MPHOSPH9: variants seen among roughly 807,000 people sequenced by gnomAD.
The protein encoded by MPHOSPH9 is M-phase phosphoprotein 9.
A neutral mutation model predicts 145.5 loss-of-function variants in MPHOSPH9; 88 were observed. The observed-to-expected ratio is 0.60, with a 90% CI of 0.51 to 0.72. The LOEUF (loss-of-function observed/expected upper bound fraction) is 0.72, where lower values mean the gene tolerates loss of function less well. Among genes scored for constraint, MPHOSPH9 ranks in the 30% least tolerant of loss-of-function variants. MPHOSPH9 has a pLI of 0.00. For missense variants in MPHOSPH9, 1,238 were observed against 1,386.6 expected, an observed-to-expected ratio of 0.89 and a Z score of 1.70; for synonymous variants, 435 against 486.2, an observed-to-expected ratio of 0.89 and a Z score of 1.39.
chr12:123,211,520 T>A (rs1406689191), intron 7 of MPHOSPH9, among the ~76,000 whole-genome samples: 1 of 151,486 alleles, frequency 6.6e-6, no homozygotes, highest in Non-Finnish European at 1.5e-5. Context: ...GCCCTGCTAA[T>A]TTTTTTGGTA....
chr12:123,207,921 T>C (rs767453448), intron 8 of MPHOSPH9, among the ~76,000 whole-genome samples: 4 of 150,072 alleles, frequency 2.7e-5, no homozygotes, highest in African/African-American at 7.4e-5. Context: ...ATTTACTGAA[T>C]AGTTTTATTT....
intron 6 of MPHOSPH9, among the ~76,000 whole-genome samples, chr12:123,216,278 T>C (rs1186204222): frequency 6.6e-6 from 1 of 152,172 alleles, no homozygotes; most frequent in African/African-American, 2.4e-5. Context: ...TCTGAAAAAG[T>C]ACAAAGAATG....
chr12:123,225,179 C>T (rs1489777763), intron 3 of MPHOSPH9, among the ~76,000 whole-genome samples: 1 of 151,210 alleles, frequency 6.6e-6, no homozygotes, highest in Non-Finnish European at 1.5e-5. Context: ...CACAGCGGCT[C>T]ATGCCTGTAA....
At chr12:123,216,192 G>A (rs886815481) in intron 6 of MPHOSPH9, among the ~76,000 whole-genome samples, 1 of 152,080 alleles carries the variant, frequency 6.6e-6, no homozygotes, top group Non-Finnish European at 1.5e-5. Flanking sequence ...AGTACTAAAG[G>A]GCTTTCCTAG....
chr12:123,203,562 G>A (rs1036737778), intron 8 of MPHOSPH9, among the ~76,000 whole-genome samples, 187 bp from the exon 9 acceptor site: 2 of 152,180 alleles, frequency 1.3e-5, no homozygotes, highest in African/African-American at 4.8e-5. Flanking sequence ...ATGGAAAGAT[G>A]TTTGGATCTC....
chr12:123,199,451 G>A (rs953676213), intron 11 of MPHOSPH9, among the ~76,000 whole-genome samples: 6 of 152,046 alleles, frequency 3.9e-5, no homozygotes, highest in African/African-American at 1.2e-4. Context: ...CTTTAAGCAC[G>A]TTTCGTTTAT....
At chr12:123,160,939 CT>C in intron 22 of MPHOSPH9, 90 bp from the exon 23 acceptor site, 1 of 1,431,536 alleles carries the variant, frequency 7.0e-7, no homozygotes, top group Non-Finnish European at 9.6e-7. Context: ...TTAGTATTTC[CT>C]TGTCCATTTC....
chr12:123,233,218 G>C (rs2047751377), upstream of MPHOSPH9: 1 of 152,270 alleles, frequency 6.6e-6, no homozygotes, highest in African/African-American at 2.4e-5. Flanking sequence ...TGGCGCGCGC[G>C]TCCACCTCGC....
At position 123,155,198 on chromosome 12, in the gene MPHOSPH9, C is replaced by T. The variant is rs1273371893; in HGVS notation, c.*1609G>A. On this transcript the variant is annotated 3_prime_UTR_variant, in exon 24 of 24. Transcript: ENST00000606320. Reference sequence around the variant, plus strand: ...AGCCTGGGCAACAAGGGCAAAACTCCATCTAAAAAAATAAATAAATAAAAT... The same window carrying T: ...AGCCTGGGCAACAAGGGCAAAACTCTATCTAAAAAAATAAATAAATAAAAT... 2 of 140,496 alleles carry T rather than the reference C, an allele frequency of 1.4e-5. No homozygotes were observed. The allele number at this position is 140,496 out of a possible 1,614,324, so 8.7% of individuals were successfully genotyped here. A position where few individuals can be genotyped will look rare whatever the true frequency, so the allele number is the denominator to read the frequency against.
At chr12:123,186,593 TCTAGATCTTCATCTTCAGCTAGGAC>T (rs986609609) in intron 13 of MPHOSPH9, among the ~76,000 whole-genome samples, 15 of 152,240 alleles carry the variant, frequency 9.9e-5, no homozygotes, top group African/African-American at 3.6e-4. Context: ...ACAGTTAGGA[TCTAGATCTTCATCTTCAGCTAGGAC>T]CTAGATCTTC....
intron 8 of MPHOSPH9, among the ~76,000 whole-genome samples, chr12:123,206,064 T>C (rs1399444403): frequency 2.6e-5 from 4 of 152,086 alleles, no homozygotes; most frequent in Non-Finnish European, 5.9e-5. Context: ...AAGGCCTTTC[T>C]ATTCTTTTTA....
chr12:123,198,475 G>A (rs11057188), intron 11 of MPHOSPH9, 141 bp from the exon 12 acceptor site: 1 of 692,852 alleles, frequency 1.4e-6, no homozygotes, highest in Non-Finnish European at 2.4e-6. Context: ...CATTTTAATA[G>A]AATATAGCCC....
chr12:123,219,125 G>A (rs922267919), intron 5 of MPHOSPH9, among the ~76,000 whole-genome samples: 5 of 151,458 alleles, frequency 3.3e-5, no homozygotes, highest in South Asian at 2.1e-4. Context: ...GGCTGATCTC[G>A]AACTCCTGGG....
rs1487643412 is a variant in MPHOSPH9 at position 123,202,827 on chromosome 12, G to T, written c.1578C>A (p.Phe526Leu). 1 of 1,614,172 alleles carries T rather than the reference G, an allele frequency of 6.2e-7. No homozygotes were observed. Among genetic ancestry groups the T allele is most frequent in the Admixed American group, 1.7e-5 (1 of 60,002 alleles). ...TGGAACTGGTCCTACTTTCGTTTTG[G>T]AATGTCTGATTTTTCCAAGAGTCCA... Reference protein sequence around the residue: ...SPVDSWKNQTFQNESRTSSTF... With the variant: ...SPVDSWKNQTLQNESRTSSTF... Residue 526 changes from phenylalanine to leucine, a missense_variant, in exon 10 of 24, where the codon TTC becomes TTA. Around this residue, in one of 3 missense-constraint regions of MPHOSPH9, gnomAD observed 837 missense variants for 897.5 expected, o/e 0.93. Transcript: ENST00000606320.
chr12:123,222,405 C>T (rs1222301117), intron 4 of MPHOSPH9, among the ~76,000 whole-genome samples: 3 of 151,846 alleles, frequency 2.0e-5, no homozygotes, highest in Non-Finnish European at 2.9e-5. Flanking sequence ...GTGGCTCACG[C>T]CTGTAATCCC....
At chr12:123,237,091 A>G (rs2047863465), upstream of MPHOSPH9, among the ~76,000 whole-genome samples, 1 of 152,134 alleles carries the variant, frequency 6.6e-6, no homozygotes, top group Admixed American at 6.6e-5. Flanking sequence ...GCTAAAAAAA[A>G]AAATAGAAGA....
At chr12:123,234,397 G>C (rs536886003), upstream of MPHOSPH9, among the ~76,000 whole-genome samples, 4 of 151,184 alleles carry the variant, frequency 2.6e-5, no homozygotes, top group South Asian at 2.1e-4. Flanking sequence ...TTATTTTTGT[G>C]GGGGAGGGGG....
chr12:123,177,449 C>T (rs1017013693), intron 15 of MPHOSPH9, among the ~76,000 whole-genome samples: 2 of 151,646 alleles, frequency 1.3e-5, no homozygotes, highest in African/African-American at 4.8e-5. Flanking sequence ...GCAGGAGAAT[C>T]GGCTTGAACC....
intron 8 of MPHOSPH9, among the ~76,000 whole-genome samples, chr12:123,206,455 G>A (rs1172442405): frequency 2.6e-5 from 4 of 151,072 alleles, no homozygotes; most frequent in African/African-American, 7.3e-5. Context: ...GAGTGAGACC[G>A]TGAAGAAAGA....
Sources: allele counts gnomAD v4.1 joint callset (sites outside exome capture counted in the v4.1 genomes callset), GRCh38; gene constraint gnomAD v4.1.1; regional missense constraint gnomAD v4.1.1; transcripts MANE v1.5; gene names NCBI Gene and HGNC (gene_info 2026-07-23, HGNC 2026-07-21).